The following MSLN variants were observed in gnomAD, a reference collection of about 807,000 sequenced individuals.
MSLN encodes CAK1 antigen.
Under a neutral mutation model 72.6 loss-of-function variants are expected in MSLN, and 82 were observed. The observed-to-expected ratio is 1.13, with a 90% CI of 0.94 to 1.36. MSLN has a LOEUF of 1.36. Among genes scored for constraint, MSLN ranks in the 40% most tolerant of loss-of-function variants. The probability of loss-of-function intolerance (pLI) is 0.00; values close to 1 mark genes in which losing one functional copy is unlikely to be tolerated. For synonymous variants in MSLN, 456 were observed against 387.3 expected (o/e 1.18, Z -2.08); for missense variants, 1,005 against 847.9 (o/e 1.19, Z -2.30).
chr16:768,162 G>A (rs989139415), intron 16 of MSLN, among the ~76,000 whole-genome samples: 53 of 151,142 alleles, frequency 3.5e-4, no homozygotes, highest in South Asian at 6.3e-4. Flanking sequence ...TCTGCAGTGG[G>A]GCGAGGCCTT....
Position 768,689 on chromosome 16 carries a change from G to A in MSLN, c.1825G>A (p.Val609Ile), listed in dbSNP as rs145309722. 3.8e-5 allele frequency: 62 copies of A among 1,611,066 alleles called. No homozygotes were observed. The African/African-American group carries it at 6.7e-4, about 17-fold the overall frequency. Residue 609 changes from valine (V) to isoleucine (I), a missense_variant, in exon 18 of 18, where the codon GTT (valine) becomes ATT (isoleucine). Physicochemically the swap from Val to Ile is conservative, Grantham distance 29. Coordinates refer to ENST00000545450, the MANE Select transcript of MSLN (RefSeq NM_005823.6). ...GTPCLLGPGP[V>I]LTVLALLLAS... ...GCCCTGCCTCCTAGGACCTGGACCT[G>A]TTCTCACCGTCCTGGCACTGCTCCT...
In MSLN at chr16:768,411, G is replaced by A. The variant is rs761927445; in HGVS notation, c.1629G>A (p.Leu543=). The A allele has an allele frequency of 4.0e-6, 6 of 1,512,722 alleles. No individual in the cohort carries two copies. Among genetic ancestry groups the A allele is most frequent in the Non-Finnish European group, 5.3e-6 (6 of 1,129,154 alleles). The allele number at this position is 1,512,722 out of a possible 1,614,324, so 93.7% of individuals were successfully genotyped here. ...CTGTGGCTGAGGTGCAGAAACTTCT[G>A]GGACCCCACGTGGAGGGCCTGAAGG... The part of the protein sequence containing the change: ...PLTVAEVQKL[L]GPHVEGLKAE... Residue 543 remains leucine, a synonymous_variant, in exon 17 of 18, where the codon CTG becomes CTA. Coordinates refer to ENST00000545450, the MANE Select transcript of MSLN (RefSeq NM_005823.6).
At position 764,638 on chromosome 16, in the gene MSLN, C is replaced by T. The variant is rs1023873833; in HGVS notation, c.301-9C>T. ...GAAACGCTCTGTGCTGGACTCCCTG[C>T]CCCTGCAGCTGCGCTGTCTGGCTCA... On this transcript the variant is annotated splice_polypyrimidine_tract_variant and intron_variant, in intron 6 of 17. Transcript: ENST00000545450. 5 of 1,611,584 alleles carry T rather than the reference C, an allele frequency of 3.1e-6. No individual in the cohort carries two copies. The highest frequency in any genetic ancestry group is 3.4e-6 in the Non-Finnish European group (4 of 1,178,992).
rs1279339773 is a variant in MSLN, at chr16:766,916, G to A, written c.1405G>A (p.Asp469Asn). The A allele has an allele frequency of 1.2e-6, 2 of 1,612,586 alleles. No individual in the cohort carries two copies. Among genetic ancestry groups the A allele is most frequent in the Non-Finnish European group, 8.5e-7 (1 of 1,179,868 alleles). ...CAGGCCCCAGGACCTGGACACGTGT[G>A]ACCCAAGGCAGCTGGACGTCCTCTA... ...AVRPQDLDTC[D>N]PRQLDVLYPK... Residue 469 changes from aspartate to asparagine, a missense_variant, in exon 15 of 18, where the codon GAC becomes AAC. Transcript: ENST00000545450.
chr16:763,549 T>C, intron 4 of MSLN, 93 bp from the exon 5 acceptor site: 1 of 1,285,336 alleles, frequency 7.8e-7, no homozygotes, highest in South Asian at 1.5e-5. Flanking sequence ...GTAGCTGAAC[T>C]CGGGGAGTAC....
At chr16:761,022 A>G (rs949116747) in intron 1 of MSLN, 51 bp from the exon 2 acceptor site, 11 of 152,198 alleles carry the variant, frequency 7.2e-5, no homozygotes, top group African/African-American at 2.7e-4. Context: ...ACGTGTGGGC[A>G]TTGGCCCGCG....
At position 765,146 on chromosome 16, in the gene MSLN, C is replaced by T. The variant is rs764489628; in HGVS notation, c.547C>T (p.Arg183Trp). 3.6e-5 allele frequency: 57 copies of T among 1,603,280 alleles called. No individual in the cohort carries two copies. Among genetic ancestry groups the T allele is most frequent in the South Asian group, 2.2e-4 (20 of 90,696 alleles). ...GTCTCTGCTGAGCGAGGCTGATGTG[C>T]GGGCTCTGGGAGGCCTGGCTTGCGA... ...RGSLLSEADV[R>W]ALGGLACDLP... is the part of the protein sequence containing the mutation. The change falls in exon 9 of 18, where the codon CGG (arginine) becomes TGG (tryptophan). Residue 183 changes from arginine to tryptophan, a missense_variant. Physicochemically the swap from Arg to Trp is moderately radical, Grantham distance 101. Transcript: ENST00000545450.
chr16:765,278 C>G lies in MSLN; in HGVS notation c.679C>G (p.Leu227Val), dbSNP rs1175554263. 2 of 1,582,540 alleles carry G rather than the reference C, an allele frequency of 1.3e-6. No individual in the cohort carries two copies. Among genetic ancestry groups the G allele is most frequent in the Non-Finnish European group, 1.7e-6 (2 of 1,170,986 alleles). ...QDQQEAARAA[L>V]QGGGPPYGPP... Reference sequence around the variant, plus strand: ...CCAGCAGGAGGCAGCCAGGGCGGCTCTGCAGGGCGGGGGACCCCCCTACGG... The same window carrying G: ...CCAGCAGGAGGCAGCCAGGGCGGCTGTGCAGGGCGGGGGACCCCCCTACGG... Residue 227 changes from leucine to valine, a missense_variant, in exon 9 of 18, where the codon CTG becomes GTG. Physicochemically the swap from Leu to Val is conservative, Grantham distance 32. Transcript: ENST00000545450.
chr16:768,442 G>A lies in MSLN; in HGVS notation c.1660G>A (p.Glu554Lys). The A allele has an allele frequency of 2.0e-6, 3 of 1,529,516 alleles. No homozygotes were observed. The highest frequency in any genetic ancestry group is 2.6e-6 in the Non-Finnish European group (3 of 1,135,162). The allele number at this position is 1,529,516 out of a possible 1,614,324, so 94.7% of individuals were successfully genotyped here. ...GPHVEGLKAEERHRPVRDWIL... is the reference protein window; with the variant it reads ...GPHVEGLKAEKRHRPVRDWIL... Reference sequence around the variant, plus strand: ...CCACGTGGAGGGCCTGAAGGCGGAGGAGCGGCACCGCCCGGTGCGGGACTG... The same window carrying A: ...CCACGTGGAGGGCCTGAAGGCGGAGAAGCGGCACCGCCCGGTGCGGGACTG... The change falls in exon 17 of 18, where the codon GAG becomes AAG. Residue 554 changes from glutamate to lysine, a missense_variant. Coordinates refer to ENST00000545450, the MANE Select transcript of MSLN (RefSeq NM_005823.6).
chr16:761,240 A>G (rs536106314), intron 2 of MSLN, 66 bp downstream of exon 2: 15 of 152,346 alleles, frequency 9.8e-5, no homozygotes, highest in African/African-American at 3.1e-4. Flanking sequence ...CCATCTGGAG[A>G]ACTGGGGCCG....
chr16:768,270 C>T (rs956674744), intron 16 of MSLN, 109 bp from the exon 17 acceptor site: 30 of 1,142,812 alleles, frequency 2.6e-5, no homozygotes, highest in African/African-American at 3.1e-5. Flanking sequence ...GGAGAGGCTG[C>T]GGTGGGCATC....
At position 766,392 on chromosome 16, in the gene MSLN, A is replaced by G; in HGVS notation, c.1132A>G (p.Lys378Glu). ...VIQHLGYLFL[K>E]MSPEDIRKWN... ...CCAGCACCTGGGCTACCTCTTCCTCAAGATGAGCCCTGAGGACATTCGCAA... is the reference window on the plus strand; with the variant it reads ...CCAGCACCTGGGCTACCTCTTCCTCGAGATGAGCCCTGAGGACATTCGCAA... Residue 378 changes from lysine (K) to glutamate (E), a missense_variant, in exon 13 of 18, where the codon AAG becomes GAG. By Grantham distance (56) the Lys-to-Glu change is moderately conservative. Coordinates refer to ENST00000545450, the MANE Select transcript of MSLN (RefSeq NM_005823.6). 6.2e-7 allele frequency: 1 copy of G among 1,612,690 alleles called. No individual in the cohort carries two copies. The highest frequency in any genetic ancestry group is 1.1e-5 in the South Asian group (1 of 91,086).
chr16:766,029 GCCCTGAC>G (rs768258941), intron 11 of MSLN, 23 bp from the exon 12 acceptor site: 31 of 1,573,600 alleles, frequency 2.0e-5, no homozygotes, highest in African/African-American at 6.8e-5. Flanking sequence ...ACGAACTCCG[GCCCTGAC>G]CCCTGACCCC....
chr16:768,399 G>A lies in MSLN; in HGVS notation c.1617G>A (p.Val539=). The A allele has an allele frequency of 1.3e-6, 2 of 1,509,730 alleles. No homozygotes were observed. Among genetic ancestry groups the A allele is most frequent in the African/African-American group, 2.8e-5 (2 of 71,600 alleles). The allele number at this position is 1,509,730 out of a possible 1,614,324, so 93.5% of individuals were successfully genotyped here. The part of the protein sequence containing the change: ...DAVLPLTVAE[V]QKLLGPHVEG... ...GGCAGCCGTTGACTGTGGCTGAGGT[G>A]CAGAAACTTCTGGGACCCCACGTGG... Residue 539 remains valine (V), a synonymous_variant, in exon 17 of 18, where the codon GTG becomes GTA. Coordinates refer to ENST00000545450, the MANE Select transcript of MSLN (RefSeq NM_005823.6).
At chr16:765,484 C>A in intron 9 of MSLN, 43 bp from the exon 10 acceptor site, 1 of 1,553,480 alleles carries the variant, frequency 6.4e-7, no homozygotes, top group Non-Finnish European at 8.7e-7. Context: ...CTCTCTGGGG[C>A]TGCACGTGGG....
intron 16 of MSLN, 50 bp downstream of exon 16, chr16:767,520 G>GA: frequency 7.3e-7 from 1 of 1,367,112 alleles, no homozygotes; most frequent in Admixed American, 2.1e-5. Flanking sequence ...CGTGGAGGAG[G>GA]GGCGAGTGGG....
chr16:764,053 G>A lies in MSLN; in HGVS notation c.210G>A (p.Pro70=), dbSNP rs749395372. The part of the protein sequence containing the change: ...SLSPRQLLGF[P]CAEVSGLSTE... ...CCCCTCGCCAACTCCTTGGCTTCCC[G>A]TGTGCGGAGGTGTCCGGCCTGAGCA... Residue 70 remains proline, a synonymous_variant, in exon 6 of 18, where the codon CCG becomes CCA. Transcript: ENST00000545450. 26 of 1,604,344 alleles carry A rather than the reference G, an allele frequency of 1.6e-5. No individual in the cohort carries two copies. The highest frequency in any genetic ancestry group is 8.0e-5 in the African/African-American group (6 of 74,910).
Position 764,129 on chromosome 16 carries a change from C to G in MSLN, c.286C>G (p.Leu96Val). The part of the protein sequence containing the change: ...AVALAQKNVK[L>V]STEQLRCLAH... ...GGCCTTGGCACAGAAGAATGTCAAG[C>G]TCTCAACAGAGCAGGTCAGTCTCAG... The change falls in exon 6 of 18, where the codon CTC (leucine) becomes GTC (valine). Residue 96 changes from leucine to valine, a missense_variant. Transcript: ENST00000545450. The G allele has an allele frequency of 6.2e-7, 1 of 1,604,924 alleles. No individual in the cohort carries two copies. The highest frequency in any genetic ancestry group is 8.5e-7 in the Non-Finnish European group (1 of 1,179,726).
At chr16:766,831 C>T (rs767442838) in intron 14 of MSLN, 21 bp downstream of exon 14, 1 of 1,612,356 alleles carries the variant, frequency 6.2e-7, no homozygotes, top group Non-Finnish European at 8.5e-7. Context: ...AGAACTCTGC[C>T]CGGCAAGGTG....
Sources: gnomAD v4.1 joint callset for allele counts (sites outside exome capture counted in the v4.1 genomes callset) on GRCh38, gnomAD v4.1.1 for gene constraint, MANE v1.5 for transcripts, NCBI Gene and HGNC (gene_info 2026-07-23, HGNC 2026-07-21) for gene names.